The following MRTFB variants were observed in gnomAD, a reference collection of about 807,000 sequenced individuals.
The protein encoded by MRTFB is myocardin related transcription factor B, also known as myocardin-related transcription factor B.
In MRTFB, 29 loss-of-function variants were observed where a neutral mutation model predicts 104.2. The observed-to-expected ratio is 0.28, with a 90% confidence interval of 0.21 to 0.38. The LOEUF (loss-of-function observed/expected upper bound fraction) is 0.38. Ranked by LOEUF, MRTFB falls within the 10% of genes least tolerant of loss-of-function variation. The pLI, the probability that MRTFB is intolerant of heterozygous loss-of-function variation, is 1.00. For missense variants in MRTFB, 1,270 were observed against 1,341.6 expected, an observed-to-expected ratio of 0.95 and a Z score of 0.83; for synonymous variants, 535 against 519.5, an observed-to-expected ratio of 1.03 and a Z score of -0.41.
At chr16:14,077,076 T>C (rs1305510280) in intron 1 of MRTFB, among the ~76,000 whole-genome samples, 1 of 152,248 alleles carries the variant, frequency 6.6e-6, no homozygotes, top group Non-Finnish European at 1.5e-5. Flanking sequence ...TTTTTAAAAA[T>C]GACTTTCATG....
At position 14,090,058 on chromosome 16, in the gene MRTFB, T is replaced by C. The variant is rs141285394; in HGVS notation, c.-64+10704T>C. 2.6e-4 allele frequency among the ~76,000 whole-genome samples: 40 copies of C among 152,264 alleles called. No individual in the cohort carries two copies. In the East Asian group the frequency reaches 6.2e-3, roughly 24 times the overall value. On this transcript the variant is annotated intron_variant, in intron 2 of 16. Coordinates refer to ENST00000571589, the MANE Select transcript of MRTFB (RefSeq NM_001308142.2). The stretch of plus-strand genomic sequence containing the variant: ...CAAACACCCCCACCCTTATCAGATA[T>C]ATGAATTGTAAGATTTTCTCTCCCA...
At chr16:14,222,670 T>C (rs895059128) in intron 8 of MRTFB, among the ~76,000 whole-genome samples, 1 of 151,774 alleles carries the variant, frequency 6.6e-6, no homozygotes, top group African/African-American at 2.4e-5. Context: ...GAGGATCACT[T>C]GACCCCAGGA....
Position 14,196,432 on chromosome 16 carries a change from G to A in MRTFB, c.155-13811G>A, listed in dbSNP as rs182557889. Reference sequence around the variant, plus strand: ...GGGACTTCCTTACAGGCAAGGGATGGTGGTTTAGAATTCCGAGGTCTATAC... The same window carrying A: ...GGGACTTCCTTACAGGCAAGGGATGATGGTTTAGAATTCCGAGGTCTATAC... On this transcript the variant is annotated intron_variant, in intron 3 of 16. Transcript: ENST00000571589. 7.2e-5 allele frequency among the ~76,000 whole-genome samples: 11 copies of A among 152,306 alleles called. No individual in the cohort carries two copies. In the East Asian group the frequency reaches 1.7e-3, roughly 24 times the overall value.
intron 14 of MRTFB, 47 bp from the exon 15 acceptor site, chr16:14,252,317 AG>A: frequency 6.3e-7 from 1 of 1,587,084 alleles, no homozygotes; most frequent in Non-Finnish European, 8.6e-7. Flanking sequence ...AGGAAAAGAG[AG>A]GTTTATTGCC....
chr16:14,061,749 G>A, the MRTFB span, among the ~76,000 whole-genome samples: 1 of 151,968 alleles, frequency 6.6e-6, no homozygotes, highest in African/African-American at 2.4e-5. Context: ...GGAGGGGGAG[G>A]GCCAAGGAAG....
chr16:14,229,008 G>A (rs1401250960), intron 8 of MRTFB, among the ~76,000 whole-genome samples: 1 of 152,156 alleles, frequency 6.6e-6, no homozygotes, highest in Non-Finnish European at 1.5e-5. Flanking sequence ...GATGGTTGCA[G>A]AACAATATAA....
At chr16:14,009,767 G>C in the MRTFB span, 2 of 152,088 alleles carry the variant, frequency 1.3e-5, no homozygotes, top group African/African-American at 4.8e-5. Flanking sequence ...TTTTATCCAC[G>C]TGTCACTGTG....
At chr16:14,152,687 C>T (rs2038672793) in intron 3 of MRTFB, 1 of 152,136 alleles carries the variant, frequency 6.6e-6, no homozygotes, top group Non-Finnish European at 1.5e-5. Flanking sequence ...TGCTAACAGC[C>T]TCATGGTGGT....
chr16:14,167,935 CCT>C (rs2039301286), intron 3 of MRTFB, among the ~76,000 whole-genome samples: 1 of 152,200 alleles, frequency 6.6e-6, no homozygotes, highest in Non-Finnish European at 1.5e-5. Flanking sequence ...GATCTGCCCA[CCT>C]CAGCCTTCCG....
At chr16:14,140,812 G>A (rs1280039752) in intron 3 of MRTFB, 52 bp downstream of exon 3, 2 of 1,607,158 alleles carry the variant, frequency 1.2e-6, no homozygotes, top group African/African-American at 2.7e-5. Context: ...TCCCCTCTTT[G>A]GGAGCCCAGT....
the MRTFB span, among the ~76,000 whole-genome samples, chr16:14,041,991 A>G: frequency 1.1e-4 from 16 of 152,278 alleles, no homozygotes; most frequent in Admixed American, 4.6e-4. Context: ...GCTGGATCAC[A>G]TGGTAATTCT....
At chr16:14,087,352 T>G (rs2034778649) in intron 2 of MRTFB, among the ~76,000 whole-genome samples, 1 of 152,178 alleles carries the variant, frequency 6.6e-6, no homozygotes. Context: ...CTTGAGAAAT[T>G]TCCTTCCTTC....
At chr16:14,213,508 T>C in intron 5 of MRTFB, 37 bp from the exon 6 acceptor site, 1 of 1,402,022 alleles carries the variant, frequency 7.1e-7, no homozygotes, top group Non-Finnish European at 9.9e-7. Flanking sequence ...CAATAAATAA[T>C]AAATGATTTA....
the MRTFB span, among the ~76,000 whole-genome samples, chr16:14,048,032 C>A: frequency 6.6e-6 from 1 of 152,158 alleles, no homozygotes; most frequent in Non-Finnish European, 1.5e-5. Context: ...TTAATTACTG[C>A]CTAGATACAA....
At chr16:14,141,316 A>C (rs930260822) in intron 3 of MRTFB, 1 of 152,586 alleles carries the variant, frequency 6.6e-6, no homozygotes, top group Admixed American at 6.5e-5. Context: ...GGAAATTTTC[A>C]TCGCTCACAG....
At chr16:14,137,433 T>C (rs186866904) in intron 2 of MRTFB, among the ~76,000 whole-genome samples, 3 of 152,264 alleles carry the variant, frequency 2.0e-5, no homozygotes, top group Admixed American at 2.0e-4. Flanking sequence ...ATGAAAATAT[T>C]TTTTTAAATC....
At chr16:14,186,870 GC>G in intron 3 of MRTFB, 1 of 1,597,590 alleles carries the variant, frequency 6.3e-7, no homozygotes, top group Non-Finnish European at 8.5e-7. Flanking sequence ...TGCAAATTAA[GC>G]TTTTCTCCTG....
intron 10 of MRTFB, among the ~76,000 whole-genome samples, chr16:14,244,367 C>T (rs30150): frequency 0.23 from 35,336 of 152,114 alleles, 7,701 homozygotes; most frequent in African/African-American, 0.57. Context: ...TGTCTTTTGG[C>T]ATACATACAT....
intron 3 of MRTFB, among the ~76,000 whole-genome samples, chr16:14,168,656 T>G (rs1228673415): frequency 1.3e-5 from 2 of 152,244 alleles, no homozygotes; most frequent in Non-Finnish European, 2.9e-5. Flanking sequence ...CCTGGACACT[T>G]TCCAATCTGA....
Sources: allele counts gnomAD v4.1 joint callset (sites outside exome capture counted in the v4.1 genomes callset), GRCh38; gene constraint gnomAD v4.1.1; transcripts MANE v1.5; gene names NCBI Gene and HGNC (gene_info 2026-07-23, HGNC 2026-07-21).